The following RIMKLB variants were observed in gnomAD, a reference collection of about 807,000 sequenced individuals.
RIMKLB encodes the protein ribosomal modification protein rimK like family member B.
RIMKLB carries 7 observed loss-of-function variants against 32.0 expected under a neutral mutation model. That is an observed-to-expected ratio of 0.22 (90% CI 0.12 to 0.41). The LOEUF (loss-of-function observed/expected upper bound fraction) is 0.41. Among genes scored for constraint, RIMKLB ranks in the 10% least tolerant of loss-of-function variants. RIMKLB has a pLI of 1.00. For synonymous variants in RIMKLB, 172 were observed against 185.1 expected (o/e 0.93, Z 0.57); for missense variants, 289 against 498.7 (o/e 0.58, Z 4.00).
intron 1 of RIMKLB, among the ~76,000 whole-genome samples, chr12:8,711,901 C>T (rs971658008): frequency 1.3e-5 from 2 of 152,032 alleles, no homozygotes; most frequent in African/African-American, 2.4e-5. Context: ...TATGATTGTC[C>T]GCAGGGAAGA....
chr12:8,776,720 T>C lies in RIMKLB; in HGVS notation c.*2936T>C. On this transcript the variant is annotated 3_prime_UTR_variant, in exon 6 of 6. Coordinates refer to ENST00000535829, the MANE Select transcript of RIMKLB (RefSeq NM_001297776.2). Reference sequence around the variant, plus strand: ...TAATTGATTGGTCATTTCTGCTGGCTTTTCTCCAATGAACATTGAAATCTT... The same window carrying C: ...TAATTGATTGGTCATTTCTGCTGGCCTTTCTCCAATGAACATTGAAATCTT... 1.0e-6 allele frequency: 1 copy of C among 985,374 alleles called. No individual in the cohort carries two copies. Among genetic ancestry groups the C allele is most frequent in the Non-Finnish European group, 1.2e-6 (1 of 829,882 alleles). The allele number at this position is 985,374 out of a possible 1,614,324, so 61.0% of individuals were successfully genotyped here. A position where few individuals can be genotyped will look rare whatever the true frequency, so the allele number is the denominator to read the frequency against.
intron 2 of RIMKLB, among the ~76,000 whole-genome samples, chr12:8,731,126 C>T (rs1255849149): frequency 2.1e-5 from 3 of 139,750 alleles, no homozygotes; most frequent in African/African-American, 5.9e-5. Context: ...GACGGAGTTT[C>T]GCTCTTGTCG....
At chr12:8,711,237 GAAA>G (rs201127415) in intron 1 of RIMKLB, among the ~76,000 whole-genome samples, 10 of 143,302 alleles carry the variant, frequency 7.0e-5, no homozygotes, top group Non-Finnish European at 1.5e-4. Flanking sequence ...CCATCTCAAG[GAAA>G]AAAAAAAAAT....
chr12:8,779,974 T>C (rs747203361), downstream of RIMKLB: 2 of 152,228 alleles, frequency 1.3e-5, no homozygotes, highest in Admixed American at 6.5e-5. Flanking sequence ...TATTACTCTT[T>C]TGCAAAAAAT....
intron 2 of RIMKLB, 82 bp downstream of exon 2, chr12:8,714,123 A>G (rs1347345685): frequency 2.6e-6 from 3 of 1,155,246 alleles, no homozygotes; most frequent in Non-Finnish European, 3.8e-6. Flanking sequence ...ATTAGGACAG[A>G]GGAATTCTTA....
intron 1 of RIMKLB, among the ~76,000 whole-genome samples, chr12:8,688,554 C>T (rs1289361920): frequency 6.6e-6 from 1 of 152,150 alleles, no homozygotes; most frequent in African/African-American, 2.4e-5. Context: ...TCCTGGTACT[C>T]CAGTGACATA....
At chr12:8,692,689 G>C (rs904382841), upstream of RIMKLB, among the ~76,000 whole-genome samples, 7 of 152,214 alleles carry the variant, frequency 4.6e-5, no homozygotes, top group Non-Finnish European at 1.0e-4. Context: ...TTAGCATAGA[G>C]AGAAAGCTCA....
chr12:8,715,097 C>G (rs1035178804), intron 2 of RIMKLB, among the ~76,000 whole-genome samples: 1 of 152,104 alleles, frequency 6.6e-6, no homozygotes, highest in African/African-American at 2.4e-5. Context: ...AGTATAATCT[C>G]TTAGCAAGCA....
chr12:8,765,577 T>A (rs969081121), intron 5 of RIMKLB, among the ~76,000 whole-genome samples: 3 of 152,174 alleles, frequency 2.0e-5, no homozygotes, highest in Admixed American at 6.5e-5. Context: ...TATCTGATAA[T>A]TTGCCCCGGT....
chr12:8,728,154 A>G (rs1293308003), intron 2 of RIMKLB, among the ~76,000 whole-genome samples: 2 of 152,020 alleles, frequency 1.3e-5, no homozygotes, highest in African/African-American at 2.4e-5. Flanking sequence ...CTTGTTGTCT[A>G]CTATTTTTGT....
At position 8,776,298 on chromosome 12, in the gene RIMKLB, G is replaced by C; in HGVS notation, c.*2514G>C. 1 of 974,068 alleles carries C rather than the reference G, an allele frequency of 1.0e-6. No individual in the cohort carries two copies. The highest frequency in any genetic ancestry group is 1.8e-5 in the African/African-American group (1 of 56,974). The allele number at this position is 974,068 out of a possible 1,614,324, so 60.3% of individuals were successfully genotyped here. ...ACATGTTAGAATGAAAAGAGCAGTA[G>C]TTATCTTAGATTTTAAAAACATGGA... On this transcript the variant is annotated 3_prime_UTR_variant, in exon 6 of 6. Transcript: ENST00000535829.
At chr12:8,710,054 T>C (rs1944232399) in intron 1 of RIMKLB, among the ~76,000 whole-genome samples, 1 of 152,114 alleles carries the variant, frequency 6.6e-6, no homozygotes, top group Non-Finnish European at 1.5e-5. Context: ...TGGCATCATC[T>C]GGGGTCACTG....
chr12:8,725,882 GT>G (rs1945938660), intron 2 of RIMKLB, among the ~76,000 whole-genome samples: 1 of 151,748 alleles, frequency 6.6e-6, no homozygotes, highest in South Asian at 2.1e-4. Context: ...AGGTCTCACT[GT>G]GTCACCCAGG....
intron 2 of RIMKLB, among the ~76,000 whole-genome samples, chr12:8,718,501 G>A (rs1275604407): frequency 1.3e-5 from 2 of 152,124 alleles, no homozygotes; most frequent in African/African-American, 4.8e-5. Flanking sequence ...AAATTAGCTG[G>A]GCCTGGTGGC....
intron 1 of RIMKLB, among the ~76,000 whole-genome samples, chr12:8,691,124 C>T (rs1011919327): frequency 2.3e-4 from 35 of 152,028 alleles, no homozygotes; most frequent in African/African-American, 8.5e-4. Flanking sequence ...TTGTCTGTCC[C>T]AGTTACCCAG....
At position 8,774,523 on chromosome 12, in the gene RIMKLB, ATTTG is replaced by A; in HGVS notation, c.*742_*745del. 1 of 975,516 alleles carries A rather than the reference ATTTG, an allele frequency of 1.0e-6. No individual in the cohort carries two copies. Among genetic ancestry groups the A allele is most frequent in the African/African-American group, 1.8e-5 (1 of 56,322 alleles). 60.4% of individuals were successfully genotyped at this position (975,516 alleles called of 1,614,324 possible). ...GTTTAAAATATGTGCATTCACTTGT[ATTTG>A]TTAGTGTTTTAGTCTTTTTTGAAAG... On this transcript the variant is annotated 3_prime_UTR_variant, in exon 6 of 6. Coordinates refer to ENST00000535829, the MANE Select transcript of RIMKLB (RefSeq NM_001297776.2).
chr12:8,755,865 T>G, intron 5 of RIMKLB, among the ~76,000 whole-genome samples: 1 of 151,592 alleles, frequency 6.6e-6, no homozygotes, highest in East Asian at 1.9e-4. Context: ...AAAAATAAAT[T>G]AGCTGGGGCC....
intron 2 of RIMKLB, among the ~76,000 whole-genome samples, chr12:8,741,587 G>A (rs1215139660): frequency 5.3e-5 from 8 of 151,564 alleles, no homozygotes; most frequent in Non-Finnish European, 1.0e-4. Flanking sequence ...AGACCAGCCT[G>A]GCTAACATGG....
chr12:8,699,969 A>T (rs1943246151), intron 1 of RIMKLB: 1 of 152,256 alleles, frequency 6.6e-6, no homozygotes, highest in African/African-American at 2.4e-5. Flanking sequence ...GTTGGCTACC[A>T]GCTAAAATTC....
Sources: gnomAD v4.1 joint callset for allele counts (sites outside exome capture counted in the v4.1 genomes callset) on GRCh38, gnomAD v4.1.1 for gene constraint, MANE v1.5 for transcripts, NCBI Gene and HGNC (gene_info 2026-07-23, HGNC 2026-07-21) for gene names.